The following ARFGEF2 variants were observed in gnomAD, a reference collection of about 807,000 sequenced individuals.
ARFGEF2 encodes brefeldin A-inhibited guanine nucleotide-exchange protein 2.
In ARFGEF2, 74 loss-of-function variants were observed where a neutral mutation model predicts 219.9. The observed-to-expected ratio is 0.34, with a 90% CI of 0.28 to 0.41. The LOEUF is 0.41. ARFGEF2 is among the 10% of genes least tolerant of loss of function. The pLI, the probability that ARFGEF2 is intolerant of heterozygous loss-of-function variation, is 1.00. For missense variants in ARFGEF2, 1,743 were observed against 2,218.3 expected (o/e 0.79, Z 4.30); for synonymous variants, 733 against 799.2 (o/e 0.92, Z 1.40).
At chr20:48,941,255 T>A in intron 2 of ARFGEF2, 26 bp downstream of exon 2, 1 of 1,611,370 alleles carries the variant, frequency 6.2e-7, no homozygotes, top group Non-Finnish European at 8.5e-7. Context: ...ACCTCCTTGC[T>A]GAGATACGGC....
chr20:48,946,525 T>G (rs1050279647), intron 3 of ARFGEF2, among the ~76,000 whole-genome samples: 3 of 151,202 alleles, frequency 2.0e-5, no homozygotes, highest in Non-Finnish European at 4.4e-5. Context: ...TAGAGAAAGA[T>G]AGGTATTTTT....
chr20:48,996,012 G>A, intron 23 of ARFGEF2, 130 bp downstream of exon 23: 1 of 816,900 alleles, frequency 1.2e-6, no homozygotes, highest in Non-Finnish European at 2.1e-6. Flanking sequence ...TTGCTTAAGT[G>A]TCACATTTAT....
chr20:48,941,098 G>T, intron 1 of ARFGEF2, 101 bp from the exon 2 acceptor site: 1 of 1,086,304 alleles, frequency 9.2e-7, no homozygotes, highest in Non-Finnish European at 1.4e-6. Flanking sequence ...TAAACATCTC[G>T]TTAACAATCT....
chr20:48,987,936 C>T (rs768253229), intron 16 of ARFGEF2, among the ~76,000 whole-genome samples: 12 of 152,034 alleles, frequency 7.9e-5, no homozygotes, highest in Admixed American at 3.3e-4. Flanking sequence ...TATGGGCACC[C>T]GCTGCCACGC....
At chr20:49,032,890 G>T in intron 38 of ARFGEF2, 133 bp from the exon 39 acceptor site, 2 of 921,028 alleles carry the variant, frequency 2.2e-6, no homozygotes, top group South Asian at 1.5e-5. Context: ...ACTGCGCTCG[G>T]CCCCAACTTT....
chr20:48,968,047 G>A (rs781306169), intron 8 of ARFGEF2, among the ~76,000 whole-genome samples: 2 of 152,098 alleles, frequency 1.3e-5, no homozygotes, highest in African/African-American at 2.4e-5. Flanking sequence ...AGGCTGGAGT[G>A]CAGTGGCGCA....
chr20:48,974,684 C>T (rs1315463158), intron 12 of ARFGEF2, 82 bp from the exon 13 acceptor site: 17 of 1,073,864 alleles, frequency 1.6e-5, no homozygotes, highest in African/African-American at 3.1e-5. Flanking sequence ...CTTAGCCTCA[C>T]TGGGGTCCCA....
intron 18 of ARFGEF2, 144 bp downstream of exon 18, chr20:48,988,806 G>C: frequency 1.2e-6 from 1 of 818,238 alleles, no homozygotes. Context: ...TTGTGATTAT[G>C]TTGGGACTTT....
intron 27 of ARFGEF2, among the ~76,000 whole-genome samples, chr20:49,010,806 A>G (rs1600542991): frequency 6.6e-6 from 1 of 152,304 alleles, no homozygotes; most frequent in Non-Finnish European, 1.5e-5. Context: ...CACAACCAGT[A>G]CTCATGGTGC....
chr20:48,965,007 C>G (rs1247932743), intron 7 of ARFGEF2, among the ~76,000 whole-genome samples: 3 of 152,168 alleles, frequency 2.0e-5, no homozygotes, highest in Non-Finnish European at 4.4e-5. Context: ...GATTTGAAAG[C>G]CACTTTTCTA....
intron 6 of ARFGEF2, among the ~76,000 whole-genome samples, chr20:48,961,254 T>G (rs951986516): frequency 6.6e-6 from 1 of 151,890 alleles, no homozygotes; most frequent in East Asian, 1.9e-4. Flanking sequence ...TATTTTTTCT[T>G]TATATTCTTA....
rs1182708903 is a variant in ARFGEF2, at chr20:48,989,311, C to T, written c.2560C>T (p.Leu854=). Residue 854 remains leucine, a synonymous_variant, in exon 19 of 39, where the codon CTG becomes TTG. Coordinates refer to ENST00000371917, the MANE Select transcript of ARFGEF2 (RefSeq NM_006420.3). The part of the protein sequence containing the change: ...QNVASEKQRR[L]LYNLEMEQMA... ...TGTAGCTAGTGAAAAGCAGCGGCGG[C>T]TGCTGTACAACTTAGAGATGGAGCA... 80 of 1,614,018 alleles carry T rather than the reference C, an allele frequency of 5.0e-5. No homozygotes were observed. Among genetic ancestry groups the T allele is most frequent in the Non-Finnish European group, 6.1e-5 (72 of 1,179,998 alleles).
rs1043621228 is a variant in ARFGEF2 at position 49,033,089 on chromosome 20, G to A, written c.5248G>A (p.Glu1750Lys). ...CEIMQFDLIP[E>K]LRAVLRKFFL... The stretch of plus-strand genomic sequence containing the variant: ...AATTATGCAGTTTGACCTGATCCCT[G>A]AGCTCCGAGCAGTTCTGCGGAAGTT... The change falls in exon 39 of 39, where the codon GAG becomes AAG. Residue 1750 changes from glutamate (E) to lysine (K), a missense_variant. Glu to Lys is a moderately conservative substitution (Grantham distance 56). Transcript: ENST00000371917. 14 of 1,613,910 alleles carry A rather than the reference G, an allele frequency of 8.7e-6. No individual in the cohort carries two copies. Among genetic ancestry groups the A allele is most frequent in the Non-Finnish European group, 1.2e-5 (14 of 1,180,030 alleles).
rs753420388 is a variant in ARFGEF2, at chr20:48,951,341, C to T, written c.295C>T (p.His99Tyr). Residue 99 changes from histidine (H) to tyrosine (Y), a missense_variant, in exon 4 of 39, where the codon CAC becomes TAC. Transcript: ENST00000371917. Reference sequence around the variant, plus strand: ...TCTTTAGAAACTCATCGCATACGGGCACATCACTGGCAACGCCCCTGACAG... The same window carrying T: ...TCTTTAGAAACTCATCGCATACGGGTACATCACTGGCAACGCCCCTGACAG... The part of the protein sequence containing the change: ...DCLQKLIAYG[H>Y]ITGNAPDSGA... 1.9e-6 allele frequency: 3 copies of T among 1,614,152 alleles called. No individual in the cohort carries two copies. Among genetic ancestry groups the T allele is most frequent in the African/African-American group, 1.3e-5 (1 of 75,042 alleles).
At position 48,952,767 on chromosome 20, in the gene ARFGEF2, A is replaced by G. The variant is rs1422947702; in HGVS notation, c.486A>G (p.Thr162=). The change falls in exon 5 of 39, where the codon ACA becomes ACG. Residue 162 remains threonine, a synonymous_variant. Transcript: ENST00000371917. ...TTCATGAGGGTACTATCCTGCAGAC[A>G]GTGAGAACATGTTACAATATCTATT... ...IEIHEGTILQ[T]VRTCYNIYLA... is the part of the protein sequence containing the mutation. The G allele has an allele frequency of 1.2e-6, 2 of 1,614,244 alleles. No individual in the cohort carries two copies.
In ARFGEF2 at chr20:48,953,640, T is replaced by A; in HGVS notation, c.688T>A (p.Phe230Ile). 6.2e-7 allele frequency: 1 copy of A among 1,614,130 alleles called. No homozygotes were observed. The highest frequency in any genetic ancestry group is 8.5e-7 in the Non-Finnish European group (1 of 1,180,014). The change falls in exon 6 of 39, where the codon TTC (phenylalanine) becomes ATC (isoleucine). Residue 230 changes from phenylalanine (F) to isoleucine (I), a missense_variant. Phe to Ile is a conservative substitution (Grantham distance 21). Around this residue, in one of 5 missense-constraint regions of ARFGEF2, gnomAD observed 394 missense variants for 426.6 expected, o/e 0.92. Transcript: ENST00000371917. ...CCAAGCTGCAGCAGTATCCCCAAAG[T>A]TCGTTCGTTTGAAGCACAGTCAGGC... The part of the protein sequence containing the change: ...VIQAAAVSPK[F>I]VRLKHSQAQS...
chr20:49,023,534 T>G (rs1335772747), intron 35 of ARFGEF2, among the ~76,000 whole-genome samples: 1 of 63,418 alleles, frequency 1.6e-5, no homozygotes, highest in Non-Finnish European at 3.2e-5. Context: ...TTTTTTTTTT[T>G]TTGTTTTTTT....
At chr20:49,008,707 GTTTTTTTTTTTT>G (rs796608906) in intron 26 of ARFGEF2, among the ~76,000 whole-genome samples, 1 of 132,428 alleles carries the variant, frequency 7.6e-6, no homozygotes, top group Non-Finnish European at 1.6e-5. Context: ...TCATGTAAAG[GTTTTTTTTTTTT>G]TTTTTTTTTG....
intron 8 of ARFGEF2, 129 bp from the exon 9 acceptor site, chr20:48,969,018 T>C (rs1025644965): frequency 1.2e-6 from 1 of 831,060 alleles, no homozygotes; most frequent in Non-Finnish European, 2.0e-6. Flanking sequence ...TGGAGTGCAA[T>C]GGTGCCATCA....
Sources: allele counts gnomAD v4.1 joint callset (sites outside exome capture counted in the v4.1 genomes callset), GRCh38; gene constraint gnomAD v4.1.1; regional missense constraint gnomAD v4.1.1; transcripts MANE v1.5; gene names NCBI Gene and HGNC (gene_info 2026-07-23, HGNC 2026-07-21).